The following DDX31 variants were observed in gnomAD, a reference collection of about 807,000 sequenced individuals.
DDX31 encodes ATP-dependent DNA helicase DDX31.
DDX31 carries 70 observed loss-of-function variants against 91.3 expected under a neutral mutation model. The observed-to-expected ratio is 0.77, with a 90% CI of 0.63 to 0.94. The LOEUF is 0.94. Ranked by LOEUF, DDX31 falls within the 40% of genes least tolerant of loss-of-function variation. The probability of loss-of-function intolerance (pLI) is 0.00; values close to 1 mark genes in which losing one functional copy is unlikely to be tolerated. For missense variants in DDX31, 902 were observed against 925.0 expected (o/e 0.98, Z 0.32); for synonymous variants, 362 against 350.6 (o/e 1.03, Z -0.36).
intron 9 of DDX31, 48 bp from the exon 10 acceptor site, chr9:132,648,599 C>T (rs548129877): frequency 7.7e-6 from 12 of 1,563,468 alleles, no homozygotes; most frequent in Admixed American, 4.0e-5. Flanking sequence ...AACAGGGCCA[C>T]GCCAGTAGAA....
At chr9:132,618,733 G>A (rs1831805063) in intron 17 of DDX31, among the ~76,000 whole-genome samples, 2 of 152,128 alleles carry the variant, frequency 1.3e-5, no homozygotes, top group African/African-American at 4.8e-5. Context: ...AGACACTTTG[G>A]AATTTTCCAA....
rs1315844063 is a variant in DDX31, at chr9:132,625,651, T to C, written c.1713+13A>G. The C allele has an allele frequency of 6.2e-7, 1 of 1,611,002 alleles. No homozygotes were observed. ...ATCTGTTGGCAGCGAGCACAATAAATAACAAAACTCACCTGGGCTCCCCAT... is the reference window on the plus strand; with the variant it reads ...ATCTGTTGGCAGCGAGCACAATAAACAACAAAACTCACCTGGGCTCCCCAT... On this transcript the variant is annotated intron_variant, in intron 17 of 19. Coordinates refer to ENST00000372159, the MANE Select transcript of DDX31 (RefSeq NM_022779.9).
At chr9:132,648,134 G>C in intron 11 of DDX31, 55 bp downstream of exon 11, 1 of 1,447,142 alleles carries the variant, frequency 6.9e-7, no homozygotes, top group Non-Finnish European at 9.5e-7. Context: ...GTTAAATCTA[G>C]GTCCTTCCTC....
rs555463511 is a variant in DDX31, at chr9:132,652,431, A to G, written c.633+17T>C. ...AAGCATGTGCTTAAAACTTGTCCCA[A>G]AAGGGAGCCTGCTTACCTCTCTCGT... is the stretch of plus-strand genomic sequence containing the variant. On this transcript the variant is annotated intron_variant, in intron 7 of 19. Transcript: ENST00000372159. 117 of 1,614,156 alleles carry G rather than the reference A, an allele frequency of 7.2e-5. 2 individuals are homozygous for G. In the South Asian group the frequency reaches 1.1e-3, roughly 15 times the overall value.
At chr9:132,660,465 T>C (rs1238983635) in intron 4 of DDX31, among the ~76,000 whole-genome samples, 1 of 152,138 alleles carries the variant, frequency 6.6e-6, no homozygotes, top group Admixed American at 6.5e-5. Context: ...AAGGTTTCCA[T>C]GCAGGATAGC....
At chr9:132,611,676 G>GA (rs1399672756) in intron 19 of DDX31, among the ~76,000 whole-genome samples, 4 of 152,076 alleles carry the variant, frequency 2.6e-5, no homozygotes, top group African/African-American at 9.7e-5. Flanking sequence ...GCCCAGCACT[G>GA]ACCCCAAAGC....
chr9:132,621,626 T>C (rs1330820013), intron 17 of DDX31, among the ~76,000 whole-genome samples: 1 of 152,194 alleles, frequency 6.6e-6, no homozygotes, highest in Non-Finnish European at 1.5e-5. Flanking sequence ...GCCTAGCTAC[T>C]GAACCCACAT....
chr9:132,615,584 T>A (rs903847353), intron 18 of DDX31, among the ~76,000 whole-genome samples: 11 of 152,190 alleles, frequency 7.2e-5, no homozygotes, highest in Non-Finnish European at 1.2e-4. Context: ...TTGAGAAGCA[T>A]CCCTTCCAAA....
intron 7 of DDX31, among the ~76,000 whole-genome samples, chr9:132,651,364 C>T (rs565773292): frequency 6.6e-6 from 1 of 152,160 alleles, no homozygotes; most frequent in Non-Finnish European, 1.5e-5. Flanking sequence ...TTTGTGCTCC[C>T]TCTGCTGGCT....
intron 16 of DDX31, among the ~76,000 whole-genome samples, chr9:132,629,957 G>A (rs938038277): frequency 1.1e-4 from 17 of 152,242 alleles, no homozygotes; most frequent in African/African-American, 4.1e-4. Flanking sequence ...TTGTGAATAA[G>A]AGTCCTTTCA....
chr9:132,665,687 GA>G (rs1181189034), intron 1 of DDX31, among the ~76,000 whole-genome samples: 1 of 152,204 alleles, frequency 6.6e-6, no homozygotes, highest in African/African-American at 2.4e-5. Flanking sequence ...GATTTTGGCA[GA>G]TGACCTCTAG....
At chr9:132,623,182 T>C (rs538266963) in intron 17 of DDX31, among the ~76,000 whole-genome samples, 2 of 151,410 alleles carry the variant, frequency 1.3e-5, no homozygotes, top group African/African-American at 4.8e-5. Flanking sequence ...ACTCCAGGAC[T>C]ATTTCCCACA....
In DDX31 at chr9:132,595,066, T is replaced by C. The variant is rs754354396; in HGVS notation, c.2041A>G (p.Ile681Val). The change falls in exon 20 of 20, where the codon ATC (isoleucine) becomes GTC (valine). Residue 681 changes from isoleucine to valine, a missense_variant. By Grantham distance (29) the Ile-to-Val change is conservative (BLOSUM62 3). Transcript: ENST00000372159. This position sits in a 1 kb window ranked among gnomAD's most constrained non-coding sequence, Gnocchi z 4.6. The stretch of plus-strand genomic sequence containing the variant: ...CCGCTTGAGTATTCCGAACGTAGGA[T>C]TTCAGCGAGGCTGTGTTTACTCTGG... ...KTQSKHSLAE[I>V]LRSEYSSGME... The C allele has an allele frequency of 1.9e-6, 3 of 1,614,206 alleles. No individual in the cohort carries two copies. The highest frequency in any genetic ancestry group is 4.5e-5 in the East Asian group (2 of 44,882).
At chr9:132,611,176 A>T (rs1831315507) in intron 19 of DDX31, among the ~76,000 whole-genome samples, 1 of 152,202 alleles carries the variant, frequency 6.6e-6, no homozygotes. Flanking sequence ...TTGTAAATTA[A>T]CGTGGAAAAG....
chr9:132,665,758 G>A (rs187489969), intron 1 of DDX31, among the ~76,000 whole-genome samples: 3 of 152,242 alleles, frequency 2.0e-5, no homozygotes, highest in East Asian at 1.9e-4. Flanking sequence ...AACATACTGA[G>A]TAGTTACTAT....
chr9:132,663,913 A>G (rs1223176439), intron 1 of DDX31, among the ~76,000 whole-genome samples: 8 of 152,356 alleles, frequency 5.3e-5, no homozygotes, highest in Admixed American at 3.3e-4. Context: ...AGGTTTGTTG[A>G]ATCATTTGCA....
At chr9:132,653,975 AG>A (rs1208686160) in intron 6 of DDX31, among the ~76,000 whole-genome samples, 5 of 152,222 alleles carry the variant, frequency 3.3e-5, no homozygotes, top group Non-Finnish European at 7.3e-5. Context: ...AGTTGAGAAT[AG>A]AATCAAATAG....
intron 7 of DDX31, among the ~76,000 whole-genome samples, 199 bp from the exon 8 acceptor site, chr9:132,651,315 A>G (rs970395363): frequency 1.3e-5 from 2 of 152,226 alleles, no homozygotes; most frequent in Non-Finnish European, 2.9e-5. Flanking sequence ...GAGGGTAAAG[A>G]CAACACTTCT....
chr9:132,612,094 C>T lies in DDX31; in HGVS notation c.1987G>A (p.Val663Met), dbSNP rs148432033. 47 of 1,613,542 alleles carry T rather than the reference C, an allele frequency of 2.9e-5. No homozygotes were observed. The East Asian group carries it at 7.1e-4, about 24-fold the overall frequency. The change falls in exon 19 of 20, where the codon GTG (valine) becomes ATG (methionine). Residue 663 changes from valine (V) to methionine (M), a missense_variant. Coordinates refer to ENST00000372159, the MANE Select transcript of DDX31 (RefSeq NM_022779.9). Reference sequence around the variant, plus strand: ...GAATTCAGCTCATCTTACCTTTTCACGTGTGCTTTCCTCTTCTTTCTAGTC... The same window carrying T: ...GAATTCAGCTCATCTTACCTTTTCATGTGTGCTTTCCTCTTCTTTCTAGTC... ...ALTRKKRKAH[V>M]KRPDLHKKTQ...
Sources: gnomAD v4.1 joint callset for allele counts (sites outside exome capture counted in the v4.1 genomes callset) on GRCh38, gnomAD v4.1.1 for gene constraint, Gnocchi (gnomAD v3.1) non-coding constraint, MANE v1.5 for transcripts, NCBI Gene and HGNC (gene_info 2026-07-23, HGNC 2026-07-21) for gene names.